Variants in SMURF2 observed in about 807,000 individuals in gnomAD.
SMURF2 encodes the protein SMAD specific E3 ubiquitin protein ligase 2.
Under a neutral mutation model 109.6 loss-of-function variants are expected in SMURF2, and 48 were observed. The observed-to-expected ratio is 0.44, with a 90% CI of 0.35 to 0.56. The LOEUF (loss-of-function observed/expected upper bound fraction) is 0.56, where lower values mean the gene tolerates loss of function less well. Ranked by LOEUF, SMURF2 falls within the 20% of genes least tolerant of loss-of-function variation. SMURF2 has a pLI of 0.01. For missense variants in SMURF2, 575 were observed against 909.0 expected, an observed-to-expected ratio of 0.63 and a Z score of 4.72; for synonymous variants, 288 against 317.1, an observed-to-expected ratio of 0.91 and a Z score of 0.97.
intron 1 of SMURF2, among the ~76,000 whole-genome samples, chr17:64,625,019 G>C (rs1970250452): frequency 6.6e-6 from 1 of 152,084 alleles, no homozygotes; most frequent in Non-Finnish European, 1.5e-5. Flanking sequence ...CCTCTCTCTT[G>C]GGAAACTAGC....
chr17:64,566,560 G>GGTTTTTTTTTTTTTTTTTTTTT (rs1969305584), intron 10 of SMURF2, among the ~76,000 whole-genome samples: 1 of 36,430 alleles, frequency 2.7e-5, no homozygotes, highest in Non-Finnish European at 5.4e-5. Flanking sequence ...TAAGCTTTCT[G>GGTTTTTTTTTTTTTTTTTTTTT]GTTTTTTTTT....
intron 1 of SMURF2, among the ~76,000 whole-genome samples, chr17:64,623,037 T>C (rs1023720056): frequency 2.0e-5 from 3 of 152,186 alleles, no homozygotes; most frequent in Non-Finnish European, 4.4e-5. Flanking sequence ...GCTCTTTCCA[T>C]TGGTTCGTGT....
At chr17:64,650,310 T>C (rs1442556534) in intron 1 of SMURF2, among the ~76,000 whole-genome samples, 1 of 151,622 alleles carries the variant, frequency 6.6e-6, no homozygotes, top group Non-Finnish European at 1.5e-5. Context: ...CAGCAGGGAT[T>C]ACAGGCACAC....
chr17:64,575,332 T>C (rs1969474692), intron 9 of SMURF2, among the ~76,000 whole-genome samples: 1 of 151,924 alleles, frequency 6.6e-6, no homozygotes, highest in Non-Finnish European at 1.5e-5. Context: ...TTTGTATTTT[T>C]AGTAGAGACG....
chr17:64,598,297 C>G, intron 3 of SMURF2, 85 bp downstream of exon 3: 1 of 1,187,812 alleles, frequency 8.4e-7, no homozygotes, highest in Non-Finnish European at 1.2e-6. Flanking sequence ...AGATGAAACC[C>G]AGATCATTTC....
At chr17:64,624,897 G>A (rs1970248324) in intron 1 of SMURF2, among the ~76,000 whole-genome samples, 1 of 152,128 alleles carries the variant, frequency 6.6e-6, no homozygotes, top group Non-Finnish European at 1.5e-5. Context: ...GAGAGTATGA[G>A]CCATAGAGGA....
At chr17:64,637,692 T>C (rs984989641) in intron 1 of SMURF2, among the ~76,000 whole-genome samples, 1 of 151,984 alleles carries the variant, frequency 6.6e-6, no homozygotes, top group African/African-American at 2.4e-5. Flanking sequence ...GCCTCCCCAG[T>C]AGCTGAGACT....
chr17:64,614,871 A>T (rs1555689971), intron 1 of SMURF2, among the ~76,000 whole-genome samples: 1 of 152,218 alleles, frequency 6.6e-6, no homozygotes, highest in Non-Finnish European at 1.5e-5. Context: ...ACCATGTCAT[A>T]AATGCCTTTT....
chr17:64,643,690 C>A (rs528320496), intron 1 of SMURF2, among the ~76,000 whole-genome samples: 1 of 152,178 alleles, frequency 6.6e-6, no homozygotes, highest in Non-Finnish European at 1.5e-5. Context: ...ATTGTAAATA[C>A]CTGCTTCATT....
At chr17:64,660,993 A>T (rs1378157415) in intron 1 of SMURF2, 1 of 152,120 alleles carries the variant, frequency 6.6e-6, no homozygotes, top group Non-Finnish European at 1.5e-5. Flanking sequence ...ATTCTTTTCC[A>T]TTTCGAAAAA....
intron 1 of SMURF2, among the ~76,000 whole-genome samples, chr17:64,653,837 A>G (rs1160547592): frequency 6.6e-6 from 1 of 152,222 alleles, no homozygotes; most frequent in Non-Finnish European, 1.5e-5. Context: ...GGAAACAACA[A>G]ATGTCTGCAG....
In SMURF2 at chr17:64,547,935, C is replaced by G; in HGVS notation, c.1870-134G>C. 1.4e-6 allele frequency: 1 copy of G among 709,392 alleles called. No individual in the cohort carries two copies. The highest frequency in any genetic ancestry group is 1.8e-5 in the African/African-American group (1 of 56,098). 43.9% of individuals were successfully genotyped at this position (709,392 alleles called of 1,614,324 possible). A position where few individuals can be genotyped will look rare whatever the true frequency, so the allele number is the denominator to read the frequency against. On this transcript the variant is annotated intron_variant, in intron 16 of 18. Transcript: ENST00000262435. The surrounding 1 kb of genome is among the most constrained non-coding windows in gnomAD (Gnocchi z 4.2). ...AATTAAAGATGCACATCAGAATCATCTGAAAAGCTTTTCAAATTGACATTC... is the reference window on the plus strand; with the variant it reads ...AATTAAAGATGCACATCAGAATCATGTGAAAAGCTTTTCAAATTGACATTC...
intron 1 of SMURF2, among the ~76,000 whole-genome samples, chr17:64,648,955 G>A (rs1272765042): frequency 6.6e-6 from 1 of 151,832 alleles, no homozygotes; most frequent in Non-Finnish European, 1.5e-5. Context: ...CTTATTTATG[G>A]TATTAGATTC....
In SMURF2 at chr17:64,547,475, A is replaced by T; in HGVS notation, c.2071+125T>A. ...GGAGAAGAAGGTATCACAATGTGAG[A>T]GTCACAGATAAGAAGTGAAAAAGAG... On this transcript the variant is annotated intron_variant, in intron 17 of 18. Coordinates refer to ENST00000262435, the MANE Select transcript of SMURF2 (RefSeq NM_022739.4). The surrounding 1 kb of genome is among the most constrained non-coding windows in gnomAD (Gnocchi z 4.2). 1.3e-6 allele frequency: 1 copy of T among 756,894 alleles called. No homozygotes were observed. Among genetic ancestry groups the T allele is most frequent in the South Asian group, 1.7e-5 (1 of 57,804 alleles). 46.9% of individuals were successfully genotyped at this position (756,894 alleles called of 1,614,324 possible). A position where few individuals can be genotyped will look rare whatever the true frequency, so the allele number is the denominator to read the frequency against.
chr17:64,584,460 G>A (rs1234751842), intron 6 of SMURF2, among the ~76,000 whole-genome samples: 1 of 146,994 alleles, frequency 6.8e-6, no homozygotes, highest in Non-Finnish European at 1.5e-5. Flanking sequence ...CCGGGTTCAA[G>A]CGATTCTTCT....
chr17:64,643,345 T>C (rs79355759), intron 1 of SMURF2, among the ~76,000 whole-genome samples: 1,992 of 152,256 alleles, frequency 0.013, 41 homozygotes, highest in African/African-American at 0.046. Flanking sequence ...TAAATCAATA[T>C]ATTAATACAA....
At chr17:64,576,329 A>G (rs1969489631) in intron 9 of SMURF2, among the ~76,000 whole-genome samples, 1 of 152,022 alleles carries the variant, frequency 6.6e-6, no homozygotes, top group Admixed American at 6.6e-5. Context: ...TTGGTTAGGA[A>G]ATGCAATATC....
chr17:64,633,702 T>G (rs1970377386), intron 1 of SMURF2, among the ~76,000 whole-genome samples: 1 of 152,188 alleles, frequency 6.6e-6, no homozygotes, highest in Non-Finnish European at 1.5e-5. Context: ...CCTACAATTC[T>G]GAGCCTTCAA....
chr17:64,586,471 G>T (rs1969654137), intron 5 of SMURF2, among the ~76,000 whole-genome samples: 2 of 152,130 alleles, frequency 1.3e-5, no homozygotes, highest in African/African-American at 4.8e-5. Context: ...AGGCATAGCT[G>T]GGCGCGGTGG....
Sources: gnomAD v4.1 joint callset for allele counts (sites outside exome capture counted in the v4.1 genomes callset) on GRCh38, gnomAD v4.1.1 for gene constraint, Gnocchi (gnomAD v3.1) non-coding constraint, MANE v1.5 for transcripts, NCBI Gene and HGNC (gene_info 2026-07-23, HGNC 2026-07-21) for gene names.